The following ARF3 variants were observed in gnomAD, a reference collection of about 807,000 sequenced individuals.
ARF3 encodes ARF GTPase 3, also known as ADP-ribosylation factor 3.
Under a neutral mutation model 19.3 loss-of-function variants are expected in ARF3, and 5 were observed. That is an observed-to-expected ratio of 0.26 (90% CI 0.14 to 0.54). ARF3 has a LOEUF of 0.54. ARF3 is among the 20% of genes least tolerant of loss of function. The pLI, the probability that ARF3 is intolerant of heterozygous loss-of-function variation, is 0.95. For missense variants in ARF3, 77 were observed against 234.2 expected, an observed-to-expected ratio of 0.33 and a Z score of 4.38; for synonymous variants, 71 against 89.2, an observed-to-expected ratio of 0.80 and a Z score of 1.15.
rs1940223973 is a variant in ARF3 at position 48,939,998 on chromosome 12, T to C, written c.258A>G (p.Gln86=). 6.2e-7 allele frequency: 1 copy of C among 1,613,772 alleles called. No homozygotes were observed. The stretch of plus-strand genomic sequence containing the variant: ...AACCCACGCTAGGCCTGAGCATACC[T>C]TGGGTGTTCTGGAAGTAGTGTCTCC... ...PLWRHYFQNT[Q]GLIFVVDSND... The change falls in exon 3 of 5, where the codon CAA becomes CAG. Residue 86 remains glutamine (Q), a splice_region_variant and synonymous_variant. Coordinates refer to ENST00000256682, the MANE Select transcript of ARF3 (RefSeq NM_001659.3). This position sits in a 1 kb window ranked among gnomAD's most constrained non-coding sequence, Gnocchi z 4.8.
rs1940211861 is a variant in ARF3, at chr12:48,939,434, G to C, written c.384+221C>G. On this transcript the variant is annotated intron_variant, in intron 4 of 4. Transcript: ENST00000256682. This position sits in a 1 kb window ranked among gnomAD's most constrained non-coding sequence, Gnocchi z 4.8. ...TCCTAAAGTAGATAACAGGCAAGAT[G>C]AAAGAAAGATTTGAGACAATTCCTG... Among the ~76,000 whole-genome samples the C allele has an allele frequency of 6.6e-6, 1 of 152,146 alleles. No individual in the cohort carries two copies. The highest frequency in any genetic ancestry group is 2.4e-5 in the African/African-American group (1 of 41,432).
At position 48,939,916 on chromosome 12, in the gene ARF3, G is replaced by C. The variant is rs1940221679; in HGVS notation, c.259+81C>G. On this transcript the variant is annotated intron_variant, in intron 3 of 4. Transcript: ENST00000256682. This position sits in a 1 kb window ranked among gnomAD's most constrained non-coding sequence, Gnocchi z 4.8. Reference sequence around the variant, plus strand: ...CTTCTGCCCCCAGGAGCTGCAGCAGGGTAACAGTTGGCCACCCATTAACAA... The same window carrying C: ...CTTCTGCCCCCAGGAGCTGCAGCAGCGTAACAGTTGGCCACCCATTAACAA... 1 of 1,583,238 alleles carries C rather than the reference G, an allele frequency of 6.3e-7. No homozygotes were observed. The highest frequency in any genetic ancestry group is 8.7e-7 in the Non-Finnish European group (1 of 1,152,712).
chr12:48,938,000 T>C lies in ARF3; in HGVS notation c.*947A>G, dbSNP rs542706020. 2.2e-4 allele frequency: 39 copies of C among 174,776 alleles called. No homozygotes were observed. Among genetic ancestry groups the C allele is most frequent in the Admixed American group, 2.9e-4 (5 of 17,536 alleles). The allele number at this position is 174,776 out of a possible 1,614,324, so 10.8% of individuals were successfully genotyped here. A position where few individuals can be genotyped will look rare whatever the true frequency, so the allele number is the denominator to read the frequency against. Reference sequence around the variant, plus strand: ...TGCCCTGGGTCCCTAACACACACCATGGACTTGCCATCCCCACCCCCCAGT... The same window carrying C: ...TGCCCTGGGTCCCTAACACACACCACGGACTTGCCATCCCCACCCCCCAGT... On this transcript the variant is annotated 3_prime_UTR_variant, in exon 5 of 5. Transcript: ENST00000256682.
chr12:48,948,693 C>A (rs1442992093), intron 1 of ARF3, among the ~76,000 whole-genome samples: 1 of 152,054 alleles, frequency 6.6e-6, no homozygotes, highest in Non-Finnish European at 1.5e-5. Context: ...GGCCTGCAAT[C>A]CCAGCTACTC....
At chr12:48,947,068 G>C (rs1592241758) in intron 1 of ARF3, among the ~76,000 whole-genome samples, 3 of 152,130 alleles carry the variant, frequency 2.0e-5, no homozygotes, top group African/African-American at 7.2e-5. Flanking sequence ...GCTATTTTTA[G>C]CACAGCTAAC....
Position 48,936,862 on chromosome 12 carries a change from T to G in ARF3, c.*2085A>C, listed in dbSNP as rs1940153328. On this transcript the variant is annotated 3_prime_UTR_variant, in exon 5 of 5. Transcript: ENST00000256682. The stretch of plus-strand genomic sequence containing the variant: ...GAGTTGAGATTGAAAAGGAAAGAGT[T>G]CAAGGAAGGAGAGGCAATGGGGCAA... 1 of 151,686 alleles carries G rather than the reference T, an allele frequency of 6.6e-6. No homozygotes were observed. The highest frequency in any genetic ancestry group is 2.1e-4 in the South Asian group (1 of 4,788). 9.4% of individuals were successfully genotyped at this position (151,686 alleles called of 1,614,324 possible).
chr12:48,951,017 C>A (rs995196665), intron 1 of ARF3, among the ~76,000 whole-genome samples: 1 of 151,982 alleles, frequency 6.6e-6, no homozygotes, highest in Non-Finnish European at 1.5e-5. Flanking sequence ...GAACTCCTGA[C>A]CTCAAGTGAT....
chr12:48,939,703 C>T lies in ARF3; in HGVS notation c.336G>A (p.Ala112=), dbSNP rs369726501. ...GTACAGCATCCCGGAGCTCGTCCTC[C>T]GCCAGCATTCTCATCAGCTCTTCCC... is the stretch of plus-strand genomic sequence containing the variant. The part of the protein sequence containing the change: ...EAREELMRML[A]EDELRDAVLL... The change falls in exon 4 of 5, where the codon GCG becomes GCA. Residue 112 remains alanine (A), a synonymous_variant. Coordinates refer to ENST00000256682, the MANE Select transcript of ARF3 (RefSeq NM_001659.3). This position sits in a 1 kb window ranked among gnomAD's most constrained non-coding sequence, Gnocchi z 4.8. The T allele has an allele frequency of 2.0e-5, 33 of 1,614,022 alleles. No homozygotes were observed. The highest frequency in any genetic ancestry group is 2.0e-4 in the Admixed American group (12 of 59,988).
chr12:48,950,800 T>C (rs1453647421), intron 1 of ARF3, among the ~76,000 whole-genome samples: 1 of 152,128 alleles, frequency 6.6e-6, no homozygotes, highest in East Asian at 1.9e-4. Flanking sequence ...TGTTTTTTTT[T>C]TGAGACGGAG....
chr12:48,954,174 A>G (rs188864960), intron 1 of ARF3, among the ~76,000 whole-genome samples: 185 of 152,290 alleles, frequency 1.2e-3, no homozygotes, highest in Middle Eastern at 3.4e-3. Context: ...TCTTCACCCT[A>G]CATCCAAATT....
chr12:48,945,606 C>G (rs1940344867), intron 1 of ARF3, among the ~76,000 whole-genome samples: 1 of 151,756 alleles, frequency 6.6e-6, no homozygotes, highest in Non-Finnish European at 1.5e-5. Flanking sequence ...GCTTGTAGCA[C>G]CAGCTACTCC....
In ARF3 at chr12:48,940,255, C is replaced by A. The variant is rs538346883; in HGVS notation, c.149-148G>T. On this transcript the variant is annotated intron_variant, in intron 2 of 4. Transcript: ENST00000256682. ...CTAAGGCTTCCTCAGACCTGATAAT[C>A]GTTAAGCTAGCAGCCTGAAGGCCAA... 26 of 683,020 alleles carry A rather than the reference C, an allele frequency of 3.8e-5. No individual in the cohort carries two copies. In the African/African-American group the frequency reaches 4.3e-4, roughly 11 times the overall value. 42.3% of individuals were successfully genotyped at this position (683,020 alleles called of 1,614,324 possible).
At position 48,940,988 on chromosome 12, in the gene ARF3, C is replaced by T; in HGVS notation, c.108G>A (p.Lys36=). ...DAAGKTTILY[K]LKLGEIVTTI... ...TGGTGACGATCTCCCCGAGTTTCAG[C>T]TTGTATAGGATGGTGGTCTTTCCTG... is the stretch of plus-strand genomic sequence containing the variant. Residue 36 remains lysine (K), a synonymous_variant, in exon 2 of 5, where the codon AAG becomes AAA. Transcript: ENST00000256682. 6.2e-7 allele frequency: 1 copy of T among 1,612,476 alleles called. No individual in the cohort carries two copies. Among genetic ancestry groups the T allele is most frequent in the Non-Finnish European group, 8.5e-7 (1 of 1,179,236 alleles).
At chr12:48,947,388 C>G (rs1339403064) in intron 1 of ARF3, among the ~76,000 whole-genome samples, 2 of 151,666 alleles carry the variant, frequency 1.3e-5, no homozygotes, top group Non-Finnish European at 2.9e-5. Context: ...CTCACTGCAA[C>G]CTCCGCCTCC....
chr12:48,946,161 G>T (rs963445509), intron 1 of ARF3, among the ~76,000 whole-genome samples: 13 of 152,184 alleles, frequency 8.5e-5, no homozygotes, highest in African/African-American at 3.1e-4. Flanking sequence ...CAAAGGGGAT[G>T]CTGGCTTTCT....
At position 48,939,947 on chromosome 12, in the gene ARF3, G is replaced by C; in HGVS notation, c.259+50C>G. ...AGTTGGCCACCCATTAACAAAGACA[G>C]CCACACTCTCTGCTCATACCCAACC... On this transcript the variant is annotated intron_variant, in intron 3 of 4. Transcript: ENST00000256682. The surrounding 1 kb of genome is among the most constrained non-coding windows in gnomAD (Gnocchi z 4.8). 6.3e-7 allele frequency: 1 copy of C among 1,592,870 alleles called. No individual in the cohort carries two copies. The highest frequency in any genetic ancestry group is 8.6e-7 in the Non-Finnish European group (1 of 1,160,892).
rs774770771 is a variant in ARF3, at chr12:48,938,981, T to C, written c.512A>G (p.Asp171Gly). Residue 171 changes from aspartate to glycine, a missense_variant, in exon 5 of 5, where the codon GAC becomes GGC. Asp to Gly is a moderately conservative substitution (Grantham distance 94). Transcript: ENST00000256682. ...GTTTTTGAGCTGATTGGCCAGCCAG[T>C]CCAGGCCTTCGTACAGCCCGTCCCC... ...TSGDGLYEGL[D>G]WLANQLKNKK 1.2e-6 allele frequency: 2 copies of C among 1,612,752 alleles called. No homozygotes were observed. Among genetic ancestry groups the C allele is most frequent in the Non-Finnish European group, 1.7e-6 (2 of 1,180,008 alleles).
At chr12:48,954,948 G>C (rs908920624) in intron 1 of ARF3, among the ~76,000 whole-genome samples, 1 of 152,180 alleles carries the variant, frequency 6.6e-6, no homozygotes, top group Non-Finnish European at 1.5e-5. Flanking sequence ...AGGCCAGCTC[G>C]AGGCTGCAGT....
At chr12:48,943,402 C>T (rs1291874599) in intron 1 of ARF3, among the ~76,000 whole-genome samples, 1 of 152,162 alleles carries the variant, frequency 6.6e-6, no homozygotes, top group Non-Finnish European at 1.5e-5. Flanking sequence ...GCTTATTCAG[C>T]AATCACCATA....
Sources: gnomAD v4.1 joint callset for allele counts (sites outside exome capture counted in the v4.1 genomes callset) on GRCh38, gnomAD v4.1.1 for gene constraint, Gnocchi (gnomAD v3.1) non-coding constraint, MANE v1.5 for transcripts, NCBI Gene and HGNC (gene_info 2026-07-23, HGNC 2026-07-21) for gene names.